ZNF480: variants seen among roughly 807,000 people sequenced by gnomAD.
ZNF480 encodes the protein zinc finger protein 480.
In ZNF480, 15 loss-of-function variants were observed where a neutral mutation model predicts 14.4. That is an observed-to-expected ratio of 1.04 (90% CI 0.70 to 1.60). The LOEUF is 1.60. Among genes scored for constraint, ZNF480 ranks in the 40% most tolerant of loss-of-function variants. ZNF480 has a pLI of 0.00. For synonymous variants in ZNF480, 218 were observed against 215.5 expected, an observed-to-expected ratio of 1.01 and a Z score of -0.10; for missense variants, 593 against 629.7, an observed-to-expected ratio of 0.94 and a Z score of 0.62.
Position 52,322,442 on chromosome 19 carries a change from C to A in ZNF480, c.1192C>A (p.Pro398Thr). ...TTGGAGAATTCATACAGGAGAGAAA[C>A]CTTACAAATGTAATGAATGTGGAAA... Reference protein sequence around the residue: ...QHWRIHTGEKPYKCNECGKVF... With the variant: ...QHWRIHTGEKTYKCNECGKVF... Residue 398 changes from proline (P) to threonine (T), a missense_variant, in exon 5 of 5, where the codon CCT becomes ACT. By Grantham distance (38) the Pro-to-Thr change is conservative (BLOSUM62 -1). Coordinates refer to ENST00000595962, the MANE Select transcript of ZNF480 (RefSeq NM_144684.4). The A allele has an allele frequency of 2.5e-6, 4 of 1,613,988 alleles. No individual in the cohort carries two copies. The highest frequency in any genetic ancestry group is 2.2e-5 in the South Asian group (2 of 91,074).
At position 52,325,158 on chromosome 19, in the gene ZNF480, A is replaced by G. The variant is rs1984034942; in HGVS notation, c.*2300A>G. 6.6e-6 allele frequency: 1 copy of G among 152,254 alleles called. No individual in the cohort carries two copies. The highest frequency in any genetic ancestry group is 1.5e-5 in the Non-Finnish European group (1 of 68,052). The allele number at this position is 152,254 out of a possible 1,614,324, so 9.4% of individuals were successfully genotyped here. On this transcript the variant is annotated 3_prime_UTR_variant, in exon 5 of 5. Coordinates refer to ENST00000595962, the MANE Select transcript of ZNF480 (RefSeq NM_144684.4). ...TACATGTGGCAATAAGCATATGAAA[A>G]AAATGGTTAATATCGCTAATCATTA...
Position 52,322,268 on chromosome 19 carries a change from G to A in ZNF480, c.1018G>A (p.Glu340Lys), listed in dbSNP as rs1294417913. 6.2e-7 allele frequency: 1 copy of A among 1,614,024 alleles called. No homozygotes were observed. The highest frequency in any genetic ancestry group is 8.5e-7 in the Non-Finnish European group (1 of 1,180,006). Reference sequence around the variant, plus strand: ...AAATCATTGGAGAATTTATACTGGAGAGAAGCCTTACAAATGTGATGAATG... The same window carrying A: ...AAATCATTGGAGAATTTATACTGGAAAGAAGCCTTACAAATGTGATGAATG... ...LANHWRIYTG[E>K]KPYKCDECGK... The change falls in exon 5 of 5, where the codon GAG becomes AAG. Residue 340 changes from glutamate to lysine, a missense_variant. Physicochemically the swap from Glu to Lys is moderately conservative, Grantham distance 56. Coordinates refer to ENST00000595962, the MANE Select transcript of ZNF480 (RefSeq NM_144684.4).
In ZNF480 at chr19:52,321,600, G is replaced by A. The variant is rs1421006398; in HGVS notation, c.350G>A (p.Ser117Asn). The part of the protein sequence containing the change: ...VNTGSSYALG[S>N]NAEDKPIKKQ... ...CTAGGGAGCAGCTATGCATTGGGAA[G>A]CAATGCAGAAGACAAACCAATTAAA... Residue 117 changes from serine to asparagine, a missense_variant, in exon 5 of 5, where the codon AGC becomes AAC. Physicochemically the swap from Ser to Asn is conservative, Grantham distance 46. Transcript: ENST00000595962. The A allele has an allele frequency of 6.3e-7, 1 of 1,596,902 alleles. No homozygotes were observed. The highest frequency in any genetic ancestry group is 1.3e-5 in the African/African-American group (1 of 74,240).
In ZNF480 at chr19:52,322,653, TATCAC is replaced by T; in HGVS notation, c.1404_1408del (p.Leu468PhefsTer17). On this transcript the variant is annotated frameshift_variant, in exon 5 of 5. Coordinates refer to ENST00000595962, the MANE Select transcript of ZNF480 (RefSeq NM_144684.4). LOFTEE classifies it low-confidence loss of function (END_TRUNC). ...TGTGGCAAGGCATTCAGACACAAGT[TATCAC>T]TAACCAATCATCAGAGAATCCATAC... is the stretch of plus-strand genomic sequence containing the variant. The T allele has an allele frequency of 6.2e-7, 1 of 1,613,218 alleles. No individual in the cohort carries two copies. The highest frequency in any genetic ancestry group is 8.5e-7 in the Non-Finnish European group (1 of 1,179,758).
Position 52,322,050 on chromosome 19 carries a change from T to C in ZNF480, c.800T>C (p.Val267Ala), listed in dbSNP as rs375581081. The change falls in exon 5 of 5, where the codon GTT becomes GCT. Residue 267 changes from valine (V) to alanine (A), a missense_variant. Val to Ala is a moderately conservative substitution (Grantham distance 64). Coordinates refer to ENST00000595962, the MANE Select transcript of ZNF480 (RefSeq NM_144684.4). ...TACAAATGTAATGTCTGTGGCAAGG[T>C]TTTTAGTTACAATTCAAACTTTGCA... ...KPYKCNVCGK[V>A]FSYNSNFARH... 52 of 1,613,612 alleles carry C rather than the reference T, an allele frequency of 3.2e-5. No individual in the cohort carries two copies. The African/African-American group carries it at 6.2e-4, about 19-fold the overall frequency.
chr19:52,311,234 A>C (rs1363360174), intron 2 of ZNF480, among the ~76,000 whole-genome samples: 2 of 152,034 alleles, frequency 1.3e-5, no homozygotes, highest in African/African-American at 4.8e-5. Flanking sequence ...GTAGAATCCC[A>C]GCTTCTTGGG....
At chr19:52,305,005 A>G (rs1387880776) in intron 2 of ZNF480, among the ~76,000 whole-genome samples, 1 of 152,112 alleles carries the variant, frequency 6.6e-6, no homozygotes, top group Non-Finnish European at 1.5e-5. Flanking sequence ...AGGCTGAGGC[A>G]GGAGAATGGC....
In ZNF480 at chr19:52,323,016, C is replaced by T; in HGVS notation, c.*158C>T. 1.8e-6 allele frequency: 1 copy of T among 543,670 alleles called. No individual in the cohort carries two copies. The highest frequency in any genetic ancestry group is 3.0e-6 in the Non-Finnish European group (1 of 334,994). The allele number at this position is 543,670 out of a possible 1,614,324, so 33.7% of individuals were successfully genotyped here. On this transcript the variant is annotated 3_prime_UTR_variant, in exon 5 of 5. Transcript: ENST00000595962. Reference sequence around the variant, plus strand: ...CTAATAACTCATTAGAGAATTTATACTGGAGAGACTTCACAATTATAATAA... The same window carrying T: ...CTAATAACTCATTAGAGAATTTATATTGGAGAGACTTCACAATTATAATAA...
chr19:52,300,642 GGGA>G, intron 2 of ZNF480, 158 bp downstream of exon 2: 1 of 1,314,886 alleles, frequency 7.6e-7, no homozygotes, highest in African/African-American at 1.5e-5. Context: ...CTTGGTCGTG[GGGA>G]CCCTAACCTA....
chr19:52,303,145 G>C (rs1324949327), intron 2 of ZNF480, among the ~76,000 whole-genome samples: 1 of 152,176 alleles, frequency 6.6e-6, no homozygotes, highest in Non-Finnish European at 1.5e-5. Context: ...ACAGCTACAA[G>C]CTCCGATTTT....
Position 52,322,467 on chromosome 19 carries a change from A to C in ZNF480, c.1217A>C (p.Lys406Thr), listed in dbSNP as rs778137921. Residue 406 changes from lysine (K) to threonine (T), a missense_variant, in exon 5 of 5, where the codon AAA becomes ACA. Coordinates refer to ENST00000595962, the MANE Select transcript of ZNF480 (RefSeq NM_144684.4). ...CCTTACAAATGTAATGAATGTGGAA[A>C]AGTATTTAATCAACTTTCAAATCTT... ...EKPYKCNECGKVFNQLSNLAR... is the reference protein window; with the variant it reads ...EKPYKCNECGTVFNQLSNLAR... 6.2e-7 allele frequency: 1 copy of C among 1,614,066 alleles called. No individual in the cohort carries two copies. Among genetic ancestry groups the C allele is most frequent in the East Asian group, 2.2e-5 (1 of 44,878 alleles).
At chr19:52,312,545 G>A (rs1600217716) in intron 2 of ZNF480, among the ~76,000 whole-genome samples, 1 of 152,220 alleles carries the variant, frequency 6.6e-6, no homozygotes, top group South Asian at 2.1e-4. Flanking sequence ...TACTTTTGAT[G>A]CTGATCTGTT....
chr19:52,305,179 A>G (rs1982871904), intron 2 of ZNF480, among the ~76,000 whole-genome samples: 1 of 152,208 alleles, frequency 6.6e-6, no homozygotes, highest in South Asian at 2.1e-4. Flanking sequence ...ACAATGCAAT[A>G]TATAACTGCT....
chr19:52,321,114 A>G (rs886578135), intron 4 of ZNF480, among the ~76,000 whole-genome samples: 3 of 151,990 alleles, frequency 2.0e-5, no homozygotes, highest in Admixed American at 6.6e-5. Flanking sequence ...GGTTTGGTAA[A>G]ATAACTGCTT....
At chr19:52,307,036 C>T (rs1220727856) in intron 2 of ZNF480, among the ~76,000 whole-genome samples, 2 of 152,182 alleles carry the variant, frequency 1.3e-5, no homozygotes, top group East Asian at 3.9e-4. Flanking sequence ...CTTCATTACA[C>T]TCCCCTTCTT....
At position 52,319,821 on chromosome 19, in the gene ZNF480, T is replaced by G. The variant is rs1401209804; in HGVS notation, c.329-1758T>G. Among the ~76,000 whole-genome samples, 21 of 105,594 alleles carry G rather than the reference T, an allele frequency of 2.0e-4. 1 individual carries two copies. Among genetic ancestry groups the G allele is most frequent in the African/African-American group, 4.4e-4 (14 of 31,756 alleles). 69.3% of individuals were successfully genotyped at this position (105,594 alleles called of 152,430 possible). On this transcript the variant is annotated intron_variant, in intron 4 of 4. Coordinates refer to ENST00000595962, the MANE Select transcript of ZNF480 (RefSeq NM_144684.4). Reference sequence around the variant, plus strand: ...TGTAGCTGATACTGTGTTTTTTTTTTTTTTTTTTTTTTTTAAATTAGAGTC... The same window carrying G: ...TGTAGCTGATACTGTGTTTTTTTTTGTTTTTTTTTTTTTTAAATTAGAGTC...
chr19:52,299,338 G>A (rs1405565035), intron 1 of ZNF480, among the ~76,000 whole-genome samples: 8 of 152,150 alleles, frequency 5.3e-5, no homozygotes, highest in Admixed American at 2.0e-4. Context: ...GTCAGACACC[G>A]CCTGGGTGAT....
chr19:52,319,144 G>A (rs979453759), intron 4 of ZNF480, among the ~76,000 whole-genome samples: 2 of 152,174 alleles, frequency 1.3e-5, no homozygotes, highest in East Asian at 3.9e-4. Context: ...GATTACAGGT[G>A]TGAGCCACCA....
intron 2 of ZNF480, among the ~76,000 whole-genome samples, chr19:52,303,627 CT>C (rs1032050271): frequency 6.6e-6 from 1 of 152,106 alleles, no homozygotes; most frequent in Non-Finnish European, 1.5e-5. Context: ...AATCTAAAGC[CT>C]TTTCTGGATC....
Sources: gnomAD v4.1 joint callset for allele counts (sites outside exome capture counted in the v4.1 genomes callset) on GRCh38, gnomAD v4.1.1 for gene constraint, MANE v1.5 for transcripts, NCBI Gene and HGNC (gene_info 2026-07-23, HGNC 2026-07-21) for gene names.